Variants in RASSF9 observed in about 807,000 individuals in gnomAD.
RASSF9 encodes the protein ras association domain-containing protein 9.
A neutral mutation model predicts 21.4 loss-of-function variants in RASSF9; 18 were observed. The observed-to-expected ratio is 0.84, with a 90% CI of 0.58 to 1.25. The LOEUF (loss-of-function observed/expected upper bound fraction) is 1.25, where lower values mean the gene tolerates loss of function less well. Among genes scored for constraint, RASSF9 ranks in the 50% most tolerant of loss-of-function variants. RASSF9 has a pLI of 0.00. For missense variants in RASSF9, 480 were observed against 503.2 expected, an observed-to-expected ratio of 0.95 and a Z score of 0.44; for synonymous variants, 183 against 179.1, an observed-to-expected ratio of 1.02 and a Z score of -0.18.
chr12:85,834,742 C>A (rs942584522), intron 1 of RASSF9, among the ~76,000 whole-genome samples: 2 of 151,906 alleles, frequency 1.3e-5, no homozygotes, highest in Admixed American at 1.3e-4. Context: ...CAAAATAATA[C>A]TACAAAAATA....
At chr12:85,806,142 G>A (rs1879827255) in intron 1 of RASSF9, among the ~76,000 whole-genome samples, 180 bp from the exon 2 acceptor site, 1 of 151,796 alleles carries the variant, frequency 6.6e-6, no homozygotes, top group South Asian at 2.1e-4. Flanking sequence ...CGCTTCTCGG[G>A]TTCACGCCAT....
At position 85,805,838 on chromosome 12, in the gene RASSF9, C is replaced by G; in HGVS notation, c.172G>C (p.Glu58Gln). 2 of 1,613,986 alleles carry G rather than the reference C, an allele frequency of 1.2e-6. No homozygotes were observed. The highest frequency in any genetic ancestry group is 1.7e-6 in the Non-Finnish European group (2 of 1,179,896). ...TSADVIQALL[E>Q]EHEATFGEKR... ...TCTCCAAACGTAGCCTCATGTTCCT[C>G]AAGCAAAGCCTGGATGACATCAGCA... The change falls in exon 2 of 2, where the codon GAG becomes CAG. Residue 58 changes from glutamate (E) to glutamine (Q), a missense_variant. Glu to Gln is a conservative substitution (Grantham distance 29). Coordinates refer to ENST00000361228, the MANE Select transcript of RASSF9 (RefSeq NM_005447.4).
chr12:85,819,329 G>A (rs1027317974), intron 1 of RASSF9, among the ~76,000 whole-genome samples: 5 of 152,016 alleles, frequency 3.3e-5, no homozygotes, highest in African/African-American at 1.2e-4. Context: ...ACGAGCCACA[G>A]TGCCTGGCCG....
In RASSF9 at chr12:85,805,759, C is replaced by T; in HGVS notation, c.251G>A (p.Arg84Lys). 6.2e-7 allele frequency: 1 copy of T among 1,613,878 alleles called. No individual in the cohort carries two copies. The highest frequency in any genetic ancestry group is 8.5e-7 in the Non-Finnish European group (1 of 1,179,894). ...TGGAGGAAGAACCCTTTCGGAGCCT[C>T]TCCACTTCTCTATGATGCAGTAATC... The part of the protein sequence containing the change: ...PSDYCIIEKW[R>K]GSERVLPPLT... Residue 84 changes from arginine to lysine, a missense_variant, in exon 2 of 2, where the codon AGA becomes AAA. Transcript: ENST00000361228.
At chr12:85,806,118 C>A (rs1053595005) in intron 1 of RASSF9, among the ~76,000 whole-genome samples, 156 bp from the exon 2 acceptor site, 7 of 151,942 alleles carry the variant, frequency 4.6e-5, no homozygotes, top group Admixed American at 2.0e-4. Flanking sequence ...GCGGTCTCAG[C>A]TCACTGCAAG....
chr12:85,817,473 A>C (rs992205659), intron 1 of RASSF9, among the ~76,000 whole-genome samples: 1 of 152,042 alleles, frequency 6.6e-6, no homozygotes. Flanking sequence ...TAGAGAAAAG[A>C]AGCAATCCAA....
intron 1 of RASSF9, among the ~76,000 whole-genome samples, chr12:85,830,006 AAC>A (rs1880414674): frequency 6.6e-6 from 1 of 152,136 alleles, no homozygotes; most frequent in Non-Finnish European, 1.5e-5. Context: ...TACAGTACTA[AAC>A]ACAGTTTACC....
chr12:85,819,149 A>AATGC (rs1880153193), intron 1 of RASSF9, among the ~76,000 whole-genome samples: 1 of 152,106 alleles, frequency 6.6e-6, no homozygotes, highest in Non-Finnish European at 1.5e-5. Flanking sequence ...GAAGGAATCA[A>AATGC]ATGCATGCAT....
intron 1 of RASSF9, among the ~76,000 whole-genome samples, chr12:85,813,158 G>A (rs1879986986): frequency 6.6e-6 from 1 of 151,844 alleles, no homozygotes; most frequent in Non-Finnish European, 1.5e-5. Context: ...ATAAATTCAA[G>A]AGGATTTATA....
intron 1 of RASSF9, among the ~76,000 whole-genome samples, chr12:85,809,622 A>G (rs1879907183): frequency 6.6e-6 from 1 of 151,708 alleles, no homozygotes; most frequent in Admixed American, 6.6e-5. Context: ...TCTGAAGGAG[A>G]CTCAGAAACT....
chr12:85,820,513 C>T (rs1015786327), intron 1 of RASSF9, among the ~76,000 whole-genome samples: 1 of 152,144 alleles, frequency 6.6e-6, no homozygotes, highest in African/African-American at 2.4e-5. Context: ...CAACATTTCA[C>T]AATATTTAAG....
At chr12:85,813,257 A>T (rs1364541801) in intron 1 of RASSF9, among the ~76,000 whole-genome samples, 1 of 151,934 alleles carries the variant, frequency 6.6e-6, no homozygotes, top group Admixed American at 6.6e-5. Flanking sequence ...TTGAATATGA[A>T]ACTTTTTACA....
At chr12:85,806,673 A>G (rs1380455520) in intron 1 of RASSF9, among the ~76,000 whole-genome samples, 2 of 34,102 alleles carry the variant, frequency 5.9e-5, no homozygotes, top group African/African-American at 3.0e-4. Context: ...ACTCCATCTC[A>G]AAAAAAAAAA....
In RASSF9 at chr12:85,805,407, G is replaced by C. The variant is rs1487460857; in HGVS notation, c.603C>G (p.Val201=). The C allele has an allele frequency of 5.0e-6, 8 of 1,613,482 alleles. No individual in the cohort carries two copies. Among genetic ancestry groups the C allele is most frequent in the Non-Finnish European group, 6.8e-6 (8 of 1,179,756 alleles). The change falls in exon 2 of 2, where the codon GTC becomes GTG. Residue 201 remains valine, a synonymous_variant. Coordinates refer to ENST00000361228, the MANE Select transcript of RASSF9 (RefSeq NM_005447.4). ...ISQDHTIHQQ[V]KRMKELDLEI... Reference sequence around the variant, plus strand: ...CCAGATCCAGCTCTTTCATTCTCTTGACTTGCTGATGAATAGTATGGTCCT... The same window carrying C: ...CCAGATCCAGCTCTTTCATTCTCTTCACTTGCTGATGAATAGTATGGTCCT...
chr12:85,823,351 A>G (rs1880258233), intron 1 of RASSF9, among the ~76,000 whole-genome samples: 3 of 152,026 alleles, frequency 2.0e-5, no homozygotes, highest in Admixed American at 6.6e-5. Flanking sequence ...ATGCATTGTG[A>G]CCTCCTCCTC....
At chr12:85,807,076 A>G (rs1288111566) in intron 1 of RASSF9, among the ~76,000 whole-genome samples, 1 of 152,218 alleles carries the variant, frequency 6.6e-6, no homozygotes, top group Non-Finnish European at 1.5e-5. Flanking sequence ...ACGACCTGGA[A>G]GAAGGGCGGA....
At position 85,805,031 on chromosome 12, in the gene RASSF9, T is replaced by G. The variant is rs1211834604; in HGVS notation, c.979A>C (p.Lys327Gln). Residue 327 changes from lysine to glutamine, a missense_variant, in exon 2 of 2, where the codon AAA (lysine) becomes CAA (glutamine). Physicochemically the swap from Lys to Gln is moderately conservative, Grantham distance 53. Coordinates refer to ENST00000361228, the MANE Select transcript of RASSF9 (RefSeq NM_005447.4). ...TGAGAGTGAATTTTCAAACCAGCTT[T>G]CATGCTTTTCTCCAAATCACACTTA... The part of the protein sequence containing the change: ...SVKCDLEKSM[K>Q]AGLKIHSHLS... 1 of 1,613,994 alleles carries G rather than the reference T, an allele frequency of 6.2e-7. No homozygotes were observed. Among genetic ancestry groups the G allele is most frequent in the South Asian group, 1.1e-5 (1 of 91,084 alleles).
chr12:85,830,429 T>C (rs1880425249), intron 1 of RASSF9, among the ~76,000 whole-genome samples: 1 of 152,098 alleles, frequency 6.6e-6, no homozygotes, highest in African/African-American at 2.4e-5. Context: ...GCACTACTGA[T>C]CAGCTGTATT....
chr12:85,828,444 T>C (rs890334451), intron 1 of RASSF9, among the ~76,000 whole-genome samples: 24 of 152,166 alleles, frequency 1.6e-4, no homozygotes, highest in African/African-American at 5.3e-4. Flanking sequence ...ATTGTATGCT[T>C]GTATCAAAAT....
Sources: allele counts gnomAD v4.1 joint callset (sites outside exome capture counted in the v4.1 genomes callset), GRCh38; gene constraint gnomAD v4.1.1; transcripts MANE v1.5; gene names NCBI Gene and HGNC (gene_info 2026-07-23, HGNC 2026-07-21).